PPARD: variants seen among roughly 807,000 people sequenced by gnomAD.
The protein encoded by PPARD is peroxisome proliferator-activated receptor delta.
PPARD carries 6 observed loss-of-function variants against 39.5 expected under a neutral mutation model. The ratio of observed to expected loss-of-function variants is 0.15; its 90% CI spans 0.08 to 0.30. PPARD has a LOEUF of 0.30. PPARD is among the 10% of genes least tolerant of loss of function. PPARD has a pLI of 1.00. For missense variants in PPARD, 397 were observed against 596.8 expected (o/e 0.67, Z 3.49); for synonymous variants, 210 against 231.3 (o/e 0.91, Z 0.83).
chr6:35,383,286 A>G (rs1010471218), intron 2 of PPARD, among the ~76,000 whole-genome samples: 8 of 152,098 alleles, frequency 5.3e-5, no homozygotes, highest in African/African-American at 1.4e-4. Flanking sequence ...AAAGAAGCAT[A>G]TGGTGATCAG....
intron 2 of PPARD, among the ~76,000 whole-genome samples, chr6:35,377,869 A>ATTTTTTTTTTTTTTTTTTTTTTTTTTT (rs1478712456): frequency 1.9e-5 from 2 of 103,088 alleles, no homozygotes; most frequent in African/African-American, 9.4e-5. Context: ...TTGTTTACGT[A>ATTTTTTTTTTTTTTTTTTTTTTTTTTT]TCTTTTTTTT....
rs1766517849 is a variant in PPARD, at chr6:35,425,594, A to G, written c.1079-238A>G. On this transcript the variant is annotated intron_variant, in intron 7 of 7. Transcript: ENST00000360694. This position sits in a 1 kb window ranked among gnomAD's most constrained non-coding sequence, Gnocchi z 4.5. ...TTAAGCATTGAGTCTCTTAACCACA[A>G]TACTACGTTGCCTAATCGGGGGGGA... is the stretch of plus-strand genomic sequence containing the variant. Among the ~76,000 whole-genome samples, 3 of 151,560 alleles carry G rather than the reference A, an allele frequency of 2.0e-5. No homozygotes were observed.
chr6:35,426,467 A>C lies in PPARD; in HGVS notation c.*388A>C. The C allele has an allele frequency of 1.3e-5, 3 of 223,254 alleles. No homozygotes were observed. Among genetic ancestry groups the C allele is most frequent in the East Asian group, 1.3e-4 (1 of 7,892 alleles). 13.8% of individuals were successfully genotyped at this position (223,254 alleles called of 1,614,324 possible). A position where few individuals can be genotyped will look rare whatever the true frequency, so the allele number is the denominator to read the frequency against. On this transcript the variant is annotated 3_prime_UTR_variant, in exon 8 of 8. Transcript: ENST00000360694. Reference sequence around the variant, plus strand: ...TATTTCACCAGCAGCATAGAACAGGACCTCTGCTTTTGCACACCTTTTCCC... The same window carrying C: ...TATTTCACCAGCAGCATAGAACAGGCCCTCTGCTTTTGCACACCTTTTCCC...
At chr6:35,379,977 G>A (rs1449949709) in intron 2 of PPARD, among the ~76,000 whole-genome samples, 1 of 152,220 alleles carries the variant, frequency 6.6e-6, no homozygotes, top group African/African-American at 2.4e-5. Flanking sequence ...GGTTTGTCCT[G>A]TGGAGTCTCA....
intron 2 of PPARD, among the ~76,000 whole-genome samples, chr6:35,360,135 AGTC>A (rs1251333936): frequency 6.6e-6 from 1 of 152,158 alleles, no homozygotes; most frequent in African/African-American, 2.4e-5. Flanking sequence ...CCCTGAGAAT[AGTC>A]GTGCATACTG....
Position 35,359,301 on chromosome 6 carries a change from C to T in PPARD, c.-102+12151C>T, listed in dbSNP as rs563575620. Among the ~76,000 whole-genome samples, 6 of 152,172 alleles carry T rather than the reference C, an allele frequency of 3.9e-5. No individual in the cohort carries two copies. In the East Asian group the frequency reaches 7.7e-4, roughly 20 times the overall value. On this transcript the variant is annotated intron_variant, in intron 2 of 7. Coordinates refer to ENST00000360694, the MANE Select transcript of PPARD (RefSeq NM_006238.5). The stretch of plus-strand genomic sequence containing the variant: ...CTCTCCTCCCCCTCACACCACCTCA[C>T]GAGTTTTAGGCCCATGTTCCTCAGT...
chr6:35,381,463 G>A (rs567360447), intron 2 of PPARD, among the ~76,000 whole-genome samples: 1 of 152,240 alleles, frequency 6.6e-6, no homozygotes, highest in East Asian at 1.9e-4. Flanking sequence ...AGAAATCTAG[G>A]GGGACAGTCT....
intron 1 of PPARD, among the ~76,000 whole-genome samples, chr6:35,345,716 A>G (rs1480276342): frequency 6.6e-6 from 1 of 152,050 alleles, no homozygotes; most frequent in Non-Finnish European, 1.5e-5. Flanking sequence ...GAGGATAGAC[A>G]GTGTAGAGCA....
At chr6:35,386,068 A>G (rs1763637977) in intron 2 of PPARD, among the ~76,000 whole-genome samples, 2 of 152,112 alleles carry the variant, frequency 1.3e-5, no homozygotes, top group Non-Finnish European at 2.9e-5. Context: ...AGTGGTTGAC[A>G]GAATCATTGC....
chr6:35,420,496 A>C (rs1766078245), intron 4 of PPARD, among the ~76,000 whole-genome samples: 1 of 152,138 alleles, frequency 6.6e-6, no homozygotes, highest in South Asian at 2.1e-4. Flanking sequence ...CCTGCTGGGC[A>C]CCTGTGTTGA....
chr6:35,356,904 CCCTTGAGGG>C (rs777391383), intron 2 of PPARD, among the ~76,000 whole-genome samples: 2 of 152,306 alleles, frequency 1.3e-5, no homozygotes, highest in Admixed American at 6.5e-5. Flanking sequence ...TCTCACTGGG[CCCTTGAGGG>C]CTTTGGGGAG....
intron 2 of PPARD, among the ~76,000 whole-genome samples, chr6:35,410,732 G>T (rs1765370925): frequency 6.6e-6 from 1 of 152,172 alleles, no homozygotes; most frequent in Non-Finnish European, 1.5e-5. Flanking sequence ...GCACAGTGAT[G>T]TGTCACCTCT....
chr6:35,352,060 G>C (rs1333024333), intron 2 of PPARD, among the ~76,000 whole-genome samples: 1 of 151,796 alleles, frequency 6.6e-6, no homozygotes, highest in African/African-American at 2.4e-5. Context: ...GTAGAGATCA[G>C]GTCTCCCTGT....
At chr6:35,397,696 G>A (rs765053599) in intron 2 of PPARD, 1 of 276,032 alleles carries the variant, frequency 3.6e-6, no homozygotes, top group Non-Finnish European at 5.5e-6. Flanking sequence ...GCCTCCTGGG[G>A]CTTATATTCT....
At chr6:35,423,915 C>G in intron 5 of PPARD, 31 bp from the exon 6 acceptor site, 1 of 1,610,366 alleles carries the variant, frequency 6.2e-7, no homozygotes, top group Non-Finnish European at 8.5e-7. Context: ...CCTGCCTGGG[C>G]TCCTTGCTGA....
chr6:35,402,060 G>T (rs571672180), intron 2 of PPARD, among the ~76,000 whole-genome samples: 31 of 151,962 alleles, frequency 2.0e-4, no homozygotes, highest in Non-Finnish European at 4.6e-4. Context: ...CCTTTACCTC[G>T]TTGGCATCTC....
intron 2 of PPARD, among the ~76,000 whole-genome samples, chr6:35,375,516 C>T (rs1311255920): frequency 2.6e-5 from 4 of 151,610 alleles, no homozygotes; most frequent in South Asian, 2.1e-4. Flanking sequence ...GCTCCCGGCC[C>T]GGAATTTTCT....
chr6:35,373,442 T>G (rs1175805360), intron 2 of PPARD, among the ~76,000 whole-genome samples: 2 of 152,180 alleles, frequency 1.3e-5, no homozygotes, highest in African/African-American at 4.8e-5. Context: ...CGCAGCTGCA[T>G]GGATCAATGT....
At chr6:35,367,047 A>C (rs1216893692) in intron 2 of PPARD, among the ~76,000 whole-genome samples, 1 of 152,160 alleles carries the variant, frequency 6.6e-6, no homozygotes, top group Non-Finnish European at 1.5e-5. Context: ...GGAAGTGGAA[A>C]GGTGGGGGTG....
Sources: gnomAD v4.1 joint callset for allele counts (sites outside exome capture counted in the v4.1 genomes callset) on GRCh38, gnomAD v4.1.1 for gene constraint, Gnocchi (gnomAD v3.1) non-coding constraint, MANE v1.5 for transcripts, NCBI Gene and HGNC (gene_info 2026-07-23, HGNC 2026-07-21) for gene names.